Variants in ADK observed in about 807,000 individuals in gnomAD.
ADK encodes the protein adenosine kinase.
Under a neutral mutation model 44.7 loss-of-function variants are expected in ADK, and 24 were observed. That is an observed-to-expected ratio of 0.54 (90% CI 0.39 to 0.76). The LOEUF is 0.76. Among genes scored for constraint, ADK ranks in the 30% least tolerant of loss-of-function variants. The pLI, the probability that ADK is intolerant of heterozygous loss-of-function variation, is 0.00. For synonymous variants in ADK, 128 were observed against 142.6 expected, an observed-to-expected ratio of 0.90 and a Z score of 0.73; for missense variants, 321 against 425.1, an observed-to-expected ratio of 0.76 and a Z score of 2.15.
At chr10:74,625,523 A>C (rs1397682511) in intron 9 of ADK, among the ~76,000 whole-genome samples, 3 of 152,196 alleles carry the variant, frequency 2.0e-5, no homozygotes, top group Admixed American at 2.0e-4. Flanking sequence ...TAATTCCATA[A>C]AAGAAAGGAA....
intron 9 of ADK, among the ~76,000 whole-genome samples, chr10:74,628,558 T>C (rs942982689): frequency 7.3e-5 from 11 of 151,306 alleles, no homozygotes; most frequent in African/African-American, 2.7e-4. Context: ...TCCTGCTGGC[T>C]CCACTTTACT....
intron 6 of ADK, chr10:74,508,432 A>G (rs1392746710): frequency 6.6e-6 from 1 of 152,214 alleles, no homozygotes; most frequent in African/African-American, 2.4e-5. Flanking sequence ...GAATAATATC[A>G]ATACAATGTA....
In ADK at chr10:74,312,914, C is replaced by CAAAAAAAAAAAA. The variant is rs56052959; in HGVS notation, c.195-1738_195-1727dup. ...GGATGAAAAAGGAAGATTCTGTCTC[C>CAAAAAAAAAAAA]AAAAAAAAAAAAAAAAAAAAAAAAA... On this transcript the variant is annotated intron_variant, in intron 3 of 10. Transcript: ENST00000539909. Among the ~76,000 whole-genome samples the CAAAAAAAAAAAA allele has an allele frequency of 1.7e-3, 65 of 37,828 alleles. 14 individuals are homozygous for CAAAAAAAAAAAA. Among genetic ancestry groups the CAAAAAAAAAAAA allele is most frequent in the African/African-American group, 3.6e-3 (37 of 10,214 alleles). 24.8% of individuals were successfully genotyped at this position (37,828 alleles called of 152,430 possible). A position where few individuals can be genotyped will look rare whatever the true frequency, so the allele number is the denominator to read the frequency against.
At chr10:74,606,909 T>C (rs1852342903) in intron 9 of ADK, among the ~76,000 whole-genome samples, 1 of 152,194 alleles carries the variant, frequency 6.6e-6, no homozygotes, top group African/African-American at 2.4e-5. Flanking sequence ...TGAATCTGGG[T>C]GCTCCTGTAT....
chr10:74,404,670 C>T (rs1017498589), intron 6 of ADK, among the ~76,000 whole-genome samples: 1 of 151,982 alleles, frequency 6.6e-6, no homozygotes, highest in African/African-American at 2.4e-5. Flanking sequence ...ACCCCCATTC[C>T]CCAAATTTTG....
intron 1 of ADK, among the ~76,000 whole-genome samples, chr10:74,183,219 T>A (rs897897718): frequency 6.6e-6 from 1 of 152,204 alleles, no homozygotes; most frequent in African/African-American, 2.4e-5. Context: ...CCCAAAATGC[T>A]GGGATTACAG....
At chr10:74,537,281 TA>T (rs1253044868) in intron 7 of ADK, among the ~76,000 whole-genome samples, 3 of 152,256 alleles carry the variant, frequency 2.0e-5, no homozygotes, top group African/African-American at 7.2e-5. Context: ...TTTGTACTTT[TA>T]AATTACACAT....
intron 7 of ADK, among the ~76,000 whole-genome samples, chr10:74,573,923 A>G (rs1851072770): frequency 6.6e-6 from 1 of 152,094 alleles, no homozygotes; most frequent in Non-Finnish European, 1.5e-5. Flanking sequence ...CCTTTCTTTG[A>G]CTAGGAAAGG....
In ADK at chr10:74,409,792, T is replaced by C. The variant is rs185507150; in HGVS notation, c.555+11213T>C. On this transcript the variant is annotated intron_variant, in intron 6 of 10. Transcript: ENST00000539909. ...AATGTACAGCCTTGGTGGTAAGCAA[T>C]AGAATTCATACTTACAAAGAAACAG... Among the ~76,000 whole-genome samples, 204 of 152,270 alleles carry C rather than the reference T, an allele frequency of 1.3e-3. 1 individual carries two copies. The highest frequency in any genetic ancestry group is 2.7e-3 in the South Asian group (13 of 4,820).
At chr10:74,507,616 A>G (rs1848135283) in intron 6 of ADK, among the ~76,000 whole-genome samples, 1 of 152,174 alleles carries the variant, frequency 6.6e-6, no homozygotes, top group Non-Finnish European at 1.5e-5. Flanking sequence ...CCTCTCAAAA[A>G]AAAACAAAAA....
At chr10:74,705,414 C>T (rs1020086878) in intron 10 of ADK, among the ~76,000 whole-genome samples, 1 of 152,110 alleles carries the variant, frequency 6.6e-6, no homozygotes, top group Admixed American at 6.6e-5. Flanking sequence ...AATAGACATA[C>T]AATAAACGGT....
At chr10:74,497,098 G>A (rs1043966962) in intron 6 of ADK, among the ~76,000 whole-genome samples, 3 of 152,042 alleles carry the variant, frequency 2.0e-5, no homozygotes, top group East Asian at 1.9e-4. Context: ...CAGGGACTAC[G>A]GGCGCCACCT....
At chr10:74,177,002 C>T in intron 1 of ADK, 1 of 1,435,240 alleles carries the variant, frequency 7.0e-7, no homozygotes, top group African/African-American at 1.4e-5. Flanking sequence ...CTCTGGTCCC[C>T]CTCGTGTTGG....
intron 3 of ADK, among the ~76,000 whole-genome samples, chr10:74,254,266 G>A (rs942104318): frequency 2.0e-5 from 3 of 151,904 alleles, no homozygotes; most frequent in African/African-American, 7.3e-5. Context: ...CATGTTTTTG[G>A]CATTTGTTAG....
intron 7 of ADK, among the ~76,000 whole-genome samples, chr10:74,546,399 GT>G (rs1193087581): frequency 1.3e-5 from 2 of 151,762 alleles, no homozygotes; most frequent in South Asian, 2.1e-4. Context: ...TCTCATCTCT[GT>G]TTTTTTTAGT....
chr10:74,452,079 G>A (rs980710171), intron 6 of ADK, among the ~76,000 whole-genome samples: 1 of 151,776 alleles, frequency 6.6e-6, no homozygotes, highest in Non-Finnish European at 1.5e-5. Flanking sequence ...GTATAATAAT[G>A]CATGACTAGA....
chr10:74,244,171 T>G (rs1312264339), intron 3 of ADK, among the ~76,000 whole-genome samples: 2 of 152,206 alleles, frequency 1.3e-5, no homozygotes, highest in East Asian at 3.8e-4. Flanking sequence ...ACTTCACTAT[T>G]TATAGTACTT....
At chr10:74,330,479 A>C (rs1356964031) in intron 4 of ADK, among the ~76,000 whole-genome samples, 1 of 152,196 alleles carries the variant, frequency 6.6e-6, no homozygotes, top group African/African-American at 2.4e-5. Flanking sequence ...TTCTCCATTG[A>C]AAAGGTAGAA....
chr10:74,375,262 A>G (rs186732563), intron 4 of ADK, among the ~76,000 whole-genome samples: 2 of 152,344 alleles, frequency 1.3e-5, no homozygotes, highest in Admixed American at 6.5e-5. Flanking sequence ...TACCATCCCC[A>G]TAAATGATAA....
Sources: gnomAD v4.1 joint callset for allele counts (sites outside exome capture counted in the v4.1 genomes callset) on GRCh38, gnomAD v4.1.1 for gene constraint, MANE v1.5 for transcripts, NCBI Gene and HGNC (gene_info 2026-07-23, HGNC 2026-07-21) for gene names.